SEM1: variants seen among roughly 807,000 people sequenced by gnomAD.
The protein encoded by SEM1 is SEM1 26S proteasome subunit.
SEM1 carries 3 observed loss-of-function variants against 12.7 expected under a neutral mutation model. The observed-to-expected ratio is 0.24, with a 90% CI of 0.11 to 0.61. The LOEUF (loss-of-function observed/expected upper bound fraction) is 0.61. SEM1 is among the 20% of genes least tolerant of loss of function. The pLI is 0.88. For synonymous variants in SEM1, 30 were observed against 27.8 expected (o/e 1.08, Z -0.25); for missense variants, 59 against 81.3 (o/e 0.73, Z 1.06).
intron 2 of SEM1, among the ~76,000 whole-genome samples, chr7:96,585,753 TC>T (rs1806607571): frequency 1.3e-5 from 2 of 152,276 alleles, no homozygotes; most frequent in African/African-American, 2.4e-5. Context: ...GTCACCCCTT[TC>T]TTTGACTAGG....
chr7:96,691,871 G>C (rs1261828222), intron 2 of SEM1, among the ~76,000 whole-genome samples: 1 of 152,188 alleles, frequency 6.6e-6, no homozygotes, highest in Admixed American at 6.5e-5. Context: ...CATCACTACA[G>C]CAAGTTCTAT....
chr7:96,601,499 GC>G (rs1807199559), intron 2 of SEM1, among the ~76,000 whole-genome samples: 1 of 152,024 alleles, frequency 6.6e-6, no homozygotes, highest in Non-Finnish European at 1.5e-5. Flanking sequence ...AATGGCCAGT[GC>G]CCAGTCTCTA....
chr7:96,671,062 A>C (rs1363844327), downstream of SEM1, among the ~76,000 whole-genome samples: 4 of 152,292 alleles, frequency 2.6e-5, no homozygotes, highest in African/African-American at 7.2e-5. Context: ...CATTTTGGGA[A>C]TAATAAACTG....
intron 2 of SEM1, among the ~76,000 whole-genome samples, chr7:96,654,371 G>A (rs2116473499): frequency 6.6e-6 from 1 of 152,328 alleles, no homozygotes; most frequent in South Asian, 2.1e-4. Context: ...GGATACAAAT[G>A]TCATAAACAG....
intron 2 of SEM1, among the ~76,000 whole-genome samples, chr7:96,656,278 G>A (rs1299845763): frequency 6.6e-6 from 1 of 152,078 alleles, no homozygotes. Context: ...ATTCTTAGTT[G>A]GAGTCCTCAT....
chr7:96,669,219 C>T (rs1025715242), downstream of SEM1, among the ~76,000 whole-genome samples: 1 of 152,112 alleles, frequency 6.6e-6, no homozygotes, highest in Non-Finnish European at 1.5e-5. Context: ...CTCCGAAAGC[C>T]TCATCCAGAA....
At chr7:96,572,390 G>A (rs1239776550) in intron 2 of SEM1, among the ~76,000 whole-genome samples, 1 of 152,060 alleles carries the variant, frequency 6.6e-6, no homozygotes, top group Non-Finnish European at 1.5e-5. Context: ...ACAATTTTTA[G>A]ATCTTTCCTG....
intron 1 of SEM1, among the ~76,000 whole-genome samples, chr7:96,706,570 C>CAG (rs1790469786): frequency 1.3e-5 from 1 of 78,074 alleles, no homozygotes; most frequent in African/African-American, 5.1e-5. Context: ...CTCAAACAAA[C>CAG]AAAAAAAAAA....
chr7:96,699,808 T>C (rs1053827955), intron 1 of SEM1, among the ~76,000 whole-genome samples: 9 of 152,274 alleles, frequency 5.9e-5, no homozygotes, highest in East Asian at 3.9e-4. Context: ...AAAGGCAATG[T>C]TGCTATGGTT....
intron 2 of SEM1, among the ~76,000 whole-genome samples, chr7:96,643,715 A>G (rs1359373683): frequency 1.3e-5 from 2 of 152,092 alleles, no homozygotes; most frequent in African/African-American, 4.8e-5. Flanking sequence ...ACAGAAAACC[A>G]AACACCGCAT....
chr7:96,522,823 G>A (rs1287313319), intron 2 of SEM1, among the ~76,000 whole-genome samples: 6 of 148,382 alleles, frequency 4.0e-5, no homozygotes, highest in East Asian at 2.0e-4. Context: ...CCTGGGAGGC[G>A]GAGGTTGCAG....
chr7:96,540,940 T>A (rs1427335505), intron 2 of SEM1, among the ~76,000 whole-genome samples: 2 of 151,930 alleles, frequency 1.3e-5, no homozygotes, highest in African/African-American at 4.8e-5. Context: ...AGCTGTGTAG[T>A]ATTCCACAGC....
At chr7:96,651,793 G>A (rs180813630) in intron 2 of SEM1, among the ~76,000 whole-genome samples, 25 of 152,132 alleles carry the variant, frequency 1.6e-4, no homozygotes, top group Admixed American at 9.2e-4. Context: ...GGCTGGTCTC[G>A]AACTCCTGAC....
chr7:96,564,075 A>G (rs773621929), intron 2 of SEM1, among the ~76,000 whole-genome samples: 16 of 152,102 alleles, frequency 1.1e-4, no homozygotes, highest in Non-Finnish European at 2.2e-4. Flanking sequence ...CAGAGAGTTT[A>G]CCTGTTTGGG....
At chr7:96,612,338 G>A (rs1807565132) in intron 2 of SEM1, among the ~76,000 whole-genome samples, 1 of 152,174 alleles carries the variant, frequency 6.6e-6, no homozygotes, top group South Asian at 2.1e-4. Flanking sequence ...AGAATGGGCT[G>A]CTGTGACTTT....
At chr7:96,628,794 A>C (rs1485424297) in intron 2 of SEM1, among the ~76,000 whole-genome samples, 1 of 152,162 alleles carries the variant, frequency 6.6e-6, no homozygotes, top group Non-Finnish European at 1.5e-5. Flanking sequence ...TTCTGACTGA[A>C]GTACTCCCTT....
intron 2 of SEM1, among the ~76,000 whole-genome samples, chr7:96,605,936 C>T (rs185030209): frequency 1.3e-5 from 2 of 152,104 alleles, no homozygotes; most frequent in African/African-American, 4.8e-5. Flanking sequence ...TCAAGGGTAC[C>T]CACATTGTAC....
intron 2 of SEM1, among the ~76,000 whole-genome samples, chr7:96,526,731 C>A (rs1395549580): frequency 6.6e-6 from 1 of 152,114 alleles, no homozygotes. Flanking sequence ...AAGCCCTCCC[C>A]TCTCCTTTCT....
chr7:96,699,212 C>T (rs1395600614), intron 1 of SEM1, among the ~76,000 whole-genome samples: 2 of 152,150 alleles, frequency 1.3e-5, no homozygotes, highest in East Asian at 3.8e-4. Context: ...AAACTAGTTG[C>T]TAATGCTTCA....
Sources: gnomAD v4.1 joint callset for allele counts (sites outside exome capture counted in the v4.1 genomes callset) on GRCh38, gnomAD v4.1.1 for gene constraint, MANE v1.5 for transcripts, NCBI Gene and HGNC (gene_info 2026-07-23, HGNC 2026-07-21) for gene names.